The following CDK14 variants were observed in gnomAD, a reference collection of about 807,000 sequenced individuals.
CDK14 encodes cyclin-dependent kinase 14.
CDK14 carries 34 observed loss-of-function variants against 60.7 expected under a neutral mutation model. That is an observed-to-expected ratio of 0.56 (90% confidence interval 0.43 to 0.75). CDK14 has a LOEUF of 0.75. Ranked by LOEUF, CDK14 falls within the 30% of genes least tolerant of loss-of-function variation. The pLI is 0.00. For synonymous variants in CDK14, 197 were observed against 203.7 expected (o/e 0.97, Z 0.28); for missense variants, 482 against 564.1 (o/e 0.85, Z 1.47).
At chr7:91,179,763 A>T (rs939284605) in intron 14 of CDK14, among the ~76,000 whole-genome samples, 1 of 152,052 alleles carries the variant, frequency 6.6e-6, no homozygotes, top group African/African-American at 2.4e-5. Flanking sequence ...AGATTGCACC[A>T]CTGCACTCCA....
chr7:91,135,320 T>C (rs1800246708), intron 14 of CDK14, among the ~76,000 whole-genome samples: 1 of 152,098 alleles, frequency 6.6e-6, no homozygotes, highest in South Asian at 2.1e-4. Flanking sequence ...TTTAGCACAA[T>C]TACCATACCT....
In CDK14 at chr7:90,850,651, G is replaced by A. The variant is rs117204970; in HGVS notation, c.545-12524G>A. Among the ~76,000 whole-genome samples the A allele has an allele frequency of 6.7e-3, 1,013 of 152,238 alleles. 4 individuals carry two copies. The highest frequency in any genetic ancestry group is 0.012 in the Non-Finnish European group (795 of 68,016). On this transcript the variant is annotated intron_variant, in intron 5 of 14. Transcript: ENST00000380050. ...TCTCCTAATTTTGAAAGACCATGGG[G>A]GATTGAAGATCTGAGAAAAGCACCA...
chr7:90,881,758 C>A (rs561671102), intron 6 of CDK14, among the ~76,000 whole-genome samples: 1 of 152,240 alleles, frequency 6.6e-6, no homozygotes, highest in Admixed American at 6.5e-5. Flanking sequence ...ACTCTACCAG[C>A]CAGAAGAGAT....
At chr7:90,629,700 T>A (rs1799951550) in intron 2 of CDK14, among the ~76,000 whole-genome samples, 1 of 152,116 alleles carries the variant, frequency 6.6e-6, no homozygotes, top group Admixed American at 6.6e-5. Context: ...GAGATTCAAT[T>A]GATGAAAAAC....
intron 4 of CDK14, among the ~76,000 whole-genome samples, chr7:90,766,131 AT>A (rs1330217589): frequency 7.3e-5 from 11 of 151,616 alleles, no homozygotes; most frequent in Admixed American, 2.0e-4. Flanking sequence ...TGTGTAGCAC[AT>A]TTGTTTTTCT....
At chr7:90,815,926 G>A (rs1337702460) in intron 5 of CDK14, among the ~76,000 whole-genome samples, 3 of 152,032 alleles carry the variant, frequency 2.0e-5, no homozygotes, top group African/African-American at 4.8e-5. Context: ...CGGGGATGGG[G>A]GGTAAGGGGA....
chr7:90,968,765 G>A (rs1191434580), intron 9 of CDK14, among the ~76,000 whole-genome samples: 2 of 151,640 alleles, frequency 1.3e-5, no homozygotes, highest in Non-Finnish European at 2.9e-5. Flanking sequence ...TGAAATTAGA[G>A]GTGTTTGTTT....
intron 10 of CDK14, among the ~76,000 whole-genome samples, chr7:91,020,508 A>G (rs901427152): frequency 1.3e-5 from 2 of 152,226 alleles, no homozygotes; most frequent in African/African-American, 2.4e-5. Flanking sequence ...ACATGCATGC[A>G]TGAGTATATA....
chr7:91,167,586 T>C (rs947453767), intron 14 of CDK14, among the ~76,000 whole-genome samples: 5 of 152,186 alleles, frequency 3.3e-5, no homozygotes, highest in African/African-American at 9.7e-5. Flanking sequence ...TTGGAGTTAT[T>C]TCCTGGGTGA....
chr7:90,673,356 G>A (rs1238349813), intron 2 of CDK14, among the ~76,000 whole-genome samples: 1 of 152,176 alleles, frequency 6.6e-6, no homozygotes, highest in East Asian at 1.9e-4. Context: ...GGAAGGGTCA[G>A]GAAAGGCATC....
At chr7:90,893,342 G>T (rs1230649399) in intron 6 of CDK14, among the ~76,000 whole-genome samples, 2 of 152,158 alleles carry the variant, frequency 1.3e-5, no homozygotes, top group African/African-American at 4.8e-5. Flanking sequence ...GGATTGGAGG[G>T]AAGCAATCTT....
intron 9 of CDK14, among the ~76,000 whole-genome samples, chr7:90,976,991 C>T (rs976758017): frequency 6.6e-6 from 1 of 152,060 alleles, no homozygotes; most frequent in Non-Finnish European, 1.5e-5. Context: ...GTTGCCTGTG[C>T]TTTTGATGTC....
chr7:90,726,225 A>G (rs982732823), intron 2 of CDK14: 5 of 765,634 alleles, frequency 6.5e-6, no homozygotes, highest in Admixed American at 6.3e-5. Flanking sequence ...TAGTTACCCA[A>G]CCTCTTAATG....
At chr7:90,732,508 C>A (rs994628258) in intron 3 of CDK14, among the ~76,000 whole-genome samples, 1 of 152,170 alleles carries the variant, frequency 6.6e-6, no homozygotes, top group Non-Finnish European at 1.5e-5. Flanking sequence ...ATTACTGCCT[C>A]AATTTCAGAA....
At chr7:90,640,090 G>A (rs538945152) in intron 2 of CDK14, among the ~76,000 whole-genome samples, 32 of 152,216 alleles carry the variant, frequency 2.1e-4, no homozygotes, top group African/African-American at 7.2e-4. Context: ...GCAGTGCCTC[G>A]CCCTGCTTCA....
chr7:90,681,232 G>T (rs1261573450), intron 2 of CDK14, among the ~76,000 whole-genome samples: 2 of 152,024 alleles, frequency 1.3e-5, no homozygotes. Context: ...CCGTATTGTT[G>T]GTCTATTGGA....
At chr7:90,852,859 A>G (rs1033742799) in intron 5 of CDK14, among the ~76,000 whole-genome samples, 3 of 152,198 alleles carry the variant, frequency 2.0e-5, no homozygotes, top group African/African-American at 7.2e-5. Context: ...TAGGAGGATG[A>G]CTGCCTGAAG....
At chr7:90,959,320 C>G (rs1219390281) in intron 9 of CDK14, among the ~76,000 whole-genome samples, 1 of 152,136 alleles carries the variant, frequency 6.6e-6, no homozygotes, top group Admixed American at 6.6e-5. Flanking sequence ...CTATGGTACA[C>G]CTGCCTGTCT....
intron 11 of CDK14, among the ~76,000 whole-genome samples, chr7:91,054,201 T>A (rs1295743965): frequency 6.6e-6 from 1 of 151,950 alleles, no homozygotes; most frequent in Admixed American, 6.6e-5. Flanking sequence ...ATTTTTATGA[T>A]TGATAGCAAC....
Sources: allele counts gnomAD v4.1 joint callset (sites outside exome capture counted in the v4.1 genomes callset), GRCh38; gene constraint gnomAD v4.1.1; transcripts MANE v1.5; gene names NCBI Gene and HGNC (gene_info 2026-07-23, HGNC 2026-07-21).